NCKAP1: variants seen among roughly 807,000 people sequenced by gnomAD.
The protein encoded by NCKAP1 is nck-associated protein 1.
A neutral mutation model predicts 151.2 loss-of-function variants in NCKAP1; 21 were observed. The ratio of observed to expected loss-of-function variants is 0.14; its 90% CI spans 0.10 to 0.20. NCKAP1 has a LOEUF of 0.20. Among genes scored for constraint, NCKAP1 ranks in the 10% least tolerant of loss-of-function variants. The pLI is 1.00. For synonymous variants in NCKAP1, 484 were observed against 451.8 expected (o/e 1.07, Z -0.90); for missense variants, 933 against 1,352.1 (o/e 0.69, Z 4.86).
intron 2 of NCKAP1, among the ~76,000 whole-genome samples, chr2:183,017,983 C>T (rs889066188): frequency 2.0e-5 from 3 of 152,138 alleles, no homozygotes; most frequent in Admixed American, 6.5e-5. Context: ...GGTGCGGTGG[C>T]TCATGCCTGT....
intron 30 of NCKAP1, 140 bp from the exon 31 acceptor site, chr2:182,925,958 C>T (rs1160060435): frequency 7.1e-6 from 3 of 420,838 alleles, no homozygotes; most frequent in Admixed American, 4.4e-5. Context: ...GCAATAGACA[C>T]ATATTATTTT....
chr2:182,934,304 ATT>A (rs776149662), intron 26 of NCKAP1: 15 of 139,250 alleles, frequency 1.1e-4, no homozygotes, highest in East Asian at 4.2e-4. Context: ...CGCCTGGCTA[ATT>A]TTTTTTTTTT....
chr2:182,940,651 G>C (rs910299975), intron 24 of NCKAP1, among the ~76,000 whole-genome samples: 2 of 152,166 alleles, frequency 1.3e-5, no homozygotes, highest in African/African-American at 2.4e-5. Flanking sequence ...TGTTGGCCAG[G>C]CTGGTCTGGA....
At chr2:183,003,429 T>C in intron 2 of NCKAP1, 104 bp from the exon 3 acceptor site, 1 of 718,136 alleles carries the variant, frequency 1.4e-6, no homozygotes, top group Non-Finnish European at 2.3e-6. Flanking sequence ...CACAAGCTTT[T>C]AGAATATTTC....
At chr2:182,962,838 C>T (rs1419781158) in intron 17 of NCKAP1, among the ~76,000 whole-genome samples, 1 of 145,586 alleles carries the variant, frequency 6.9e-6, no homozygotes, top group Non-Finnish European at 1.5e-5. Flanking sequence ...AAAAAAAAAA[C>T]GCTGATCATG....
chr2:182,984,083 T>C (rs550563163), intron 10 of NCKAP1, among the ~76,000 whole-genome samples: 5 of 151,698 alleles, frequency 3.3e-5, no homozygotes, highest in African/African-American at 1.2e-4. Context: ...TATACATTTT[T>C]GTCACTTCCA....
At chr2:182,975,671 C>G (rs1276982313) in intron 15 of NCKAP1, among the ~76,000 whole-genome samples, 1 of 152,088 alleles carries the variant, frequency 6.6e-6, no homozygotes, top group Non-Finnish European at 1.5e-5. Flanking sequence ...CTTTGGGAGG[C>G]TGAGGTGAGA....
chr2:183,008,146 G>A (rs961392733), intron 2 of NCKAP1, among the ~76,000 whole-genome samples: 5 of 151,886 alleles, frequency 3.3e-5, no homozygotes, highest in East Asian at 1.9e-4. Flanking sequence ...GGCTGGCCTC[G>A]AACTCCCAAC....
chr2:182,919,631 GC>G lies in NCKAP1; in HGVS notation c.*6070del, dbSNP rs753678647. On this transcript the variant is annotated 3_prime_UTR_variant, in exon 31 of 31. Coordinates refer to ENST00000361354, the MANE Select transcript of NCKAP1 (RefSeq NM_013436.5). ...GTGAATATGCCTTCAGAATGCAAGT[GC>G]TTTTTTTTTTTAATGTATTATAATT... The G allele has an allele frequency of 9.2e-4, 125 of 135,740 alleles. No individual in the cohort carries two copies. Among genetic ancestry groups the G allele is most frequent in the South Asian group, 1.2e-3 (5 of 4,104 alleles). 8.4% of individuals were successfully genotyped at this position (135,740 alleles called of 1,614,324 possible). A position where few individuals can be genotyped will look rare whatever the true frequency, so the allele number is the denominator to read the frequency against.
chr2:182,977,175 A>G (rs73046222), intron 14 of NCKAP1, among the ~76,000 whole-genome samples: 7,404 of 152,262 alleles, frequency 0.049, 591 homozygotes, highest in African/African-American at 0.17. Flanking sequence ...AGATGAATGA[A>G]TAAACAAAAT....
Position 182,965,548 on chromosome 2 carries a change from G to GTT in NCKAP1, c.1629-741_1629-740insAA, listed in dbSNP as rs1321957891. On this transcript the variant is annotated intron_variant, in intron 16 of 30. Transcript: ENST00000361354. ...ATGTTAAATCTAAATGTAAAAGAAT[G>GTT]TGAGTCAATAAAACACTACATATCT... 3.3e-5 allele frequency among the ~76,000 whole-genome samples: 5 copies of GTT among 152,152 alleles called. No homozygotes were observed. In the East Asian group the frequency reaches 9.7e-4, roughly 29 times the overall value.
chr2:183,024,827 G>A, intron 1 of NCKAP1: 1 of 695,402 alleles, frequency 1.4e-6, no homozygotes, highest in Non-Finnish European at 2.3e-6. Context: ...ACATCTGTCT[G>A]CCATGTGTGA....
intron 2 of NCKAP1, among the ~76,000 whole-genome samples, chr2:183,007,065 G>A (rs1206410441): frequency 6.6e-6 from 1 of 152,096 alleles, no homozygotes; most frequent in Middle Eastern, 3.2e-3. Context: ...TAGAGGCGGG[G>A]TTTCACCGTG....
chr2:183,018,115 C>G (rs909400235), intron 2 of NCKAP1, among the ~76,000 whole-genome samples: 2 of 152,096 alleles, frequency 1.3e-5, no homozygotes, highest in African/African-American at 2.4e-5. Context: ...GGCGTGGTGG[C>G]AGGCACCTGT....
intron 1 of NCKAP1, among the ~76,000 whole-genome samples, chr2:183,029,843 G>C (rs930963376): frequency 7.1e-6 from 1 of 141,730 alleles, no homozygotes; most frequent in African/African-American, 2.6e-5. Context: ...AAAAAAAAGA[G>C]AGAGAAGGAA....
chr2:183,024,859 T>C, intron 1 of NCKAP1: 1 of 1,149,934 alleles, frequency 8.7e-7, no homozygotes, highest in Non-Finnish European at 1.2e-6. Context: ...ACTGCAATTT[T>C]ATAGTTTTCC....
intron 2 of NCKAP1, 60 bp downstream of exon 2, chr2:183,023,746 G>T: frequency 2.2e-6 from 3 of 1,335,576 alleles, no homozygotes; most frequent in South Asian, 2.4e-5. Context: ...GCACTGTGTT[G>T]ACCACTGTTT....
intron 16 of NCKAP1, among the ~76,000 whole-genome samples, chr2:182,966,653 A>G (rs1697578570): frequency 6.6e-6 from 1 of 152,182 alleles, no homozygotes; most frequent in African/African-American, 2.4e-5. Context: ...TTAAATAACT[A>G]CTATGACAGA....
At position 182,930,746 on chromosome 2, in the gene NCKAP1, G is replaced by A. The variant is rs1325115709; in HGVS notation, c.2902C>T (p.Pro968Ser). 1.2e-6 allele frequency: 2 copies of A among 1,613,384 alleles called. No homozygotes were observed. The highest frequency in any genetic ancestry group is 2.2e-5 in the East Asian group (1 of 44,858). The change falls in exon 27 of 31, where the codon CCT becomes TCT. Residue 968 changes from proline (P) to serine (S), a missense_variant. Physicochemically the swap from Pro to Ser is moderately conservative, Grantham distance 74. Transcript: ENST00000361354. ...VYELSSAAGL[P>S]CEIDPALVVA... Reference sequence around the variant, plus strand: ...ACCAATGCAGGATCAATCTCACAAGGTAATCCGGCAGCTGATGATAACTCA... The same window carrying A: ...ACCAATGCAGGATCAATCTCACAAGATAATCCGGCAGCTGATGATAACTCA...
Sources: gnomAD v4.1 joint callset for allele counts (sites outside exome capture counted in the v4.1 genomes callset) on GRCh38, gnomAD v4.1.1 for gene constraint, MANE v1.5 for transcripts, NCBI Gene and HGNC (gene_info 2026-07-23, HGNC 2026-07-21) for gene names.